ARHGEF17: variants seen among roughly 807,000 people sequenced by gnomAD.
ARHGEF17 encodes Rho guanine nucleotide exchange factor 17, also known as 164 kDa Rho-specific guanine-nucleotide exchange factor.
In ARHGEF17, 80 loss-of-function variants were observed where a neutral mutation model predicts 174.0. The observed-to-expected ratio is 0.46, with a 90% CI of 0.38 to 0.55. ARHGEF17 has a LOEUF of 0.55. Among genes scored for constraint, ARHGEF17 ranks in the 20% least tolerant of loss-of-function variants. ARHGEF17 has a pLI of 0.00. For missense variants in ARHGEF17, 2,886 were observed against 2,839.7 expected, an observed-to-expected ratio of 1.02 and a Z score of -0.37; for synonymous variants, 1,311 against 1,189.1, an observed-to-expected ratio of 1.10 and a Z score of -2.11.
At chr11:73,341,503 G>A (rs557079080) in intron 1 of ARHGEF17, among the ~76,000 whole-genome samples, 1 of 151,918 alleles carries the variant, frequency 6.6e-6, no homozygotes, top group East Asian at 1.9e-4. Flanking sequence ...ATAGAGATGG[G>A]GTTTCTCCAT....
intron 1 of ARHGEF17, among the ~76,000 whole-genome samples, chr11:73,327,014 C>T (rs943955530): frequency 3.9e-5 from 6 of 152,254 alleles, no homozygotes; most frequent in African/African-American, 1.4e-4. Context: ...ACCAGCCAGG[C>T]TCCCTGGGCA....
At position 73,363,191 on chromosome 11, in the gene ARHGEF17, C is replaced by T. The variant is rs1214450294; in HGVS notation, c.4997-15C>T. The T allele has an allele frequency of 5.9e-6, 9 of 1,527,338 alleles. No homozygotes were observed. Among genetic ancestry groups the T allele is most frequent in the Non-Finnish European group, 7.9e-6 (9 of 1,135,452 alleles). The allele number at this position is 1,527,338 out of a possible 1,614,324, so 94.6% of individuals were successfully genotyped here. A position where few individuals can be genotyped will look rare whatever the true frequency, so the allele number is the denominator to read the frequency against. ...GGCAGAGGGAAATGGAGACAGAGAC[C>T]TTTGTCTCCCTCAGATGAGGAGACC... On this transcript the variant is annotated splice_polypyrimidine_tract_variant and intron_variant, in intron 14 of 20. Coordinates refer to ENST00000263674, the MANE Select transcript of ARHGEF17 (RefSeq NM_014786.4).
At chr11:73,319,939 G>A (rs1455806400) in intron 1 of ARHGEF17, among the ~76,000 whole-genome samples, 1 of 151,966 alleles carries the variant, frequency 6.6e-6, no homozygotes, top group Non-Finnish European at 1.5e-5. Context: ...GGATGAGGCC[G>A]CTCCCAAGAA....
In ARHGEF17 at chr11:73,360,655, C is replaced by T. The variant is rs919437281; in HGVS notation, c.4420+122C>T. 1.4e-5 allele frequency: 15 copies of T among 1,049,988 alleles called. No individual in the cohort carries two copies. The East Asian group carries it at 3.7e-4, about 26-fold the overall frequency. 65.0% of individuals were successfully genotyped at this position (1,049,988 alleles called of 1,614,324 possible). A position where few individuals can be genotyped will look rare whatever the true frequency, so the allele number is the denominator to read the frequency against. On this transcript the variant is annotated intron_variant, in intron 11 of 20. Coordinates refer to ENST00000263674, the MANE Select transcript of ARHGEF17 (RefSeq NM_014786.4). ...GCAGTGCCCTGTGCTCCGGCTCCAC[C>T]TGGTGGGGAGGGGGGCTTCTGCAGT...
In ARHGEF17 at chr11:73,310,231, C is replaced by T. The variant is rs961492906; in HGVS notation, c.1593C>T (p.Arg531=). 1 of 1,614,036 alleles carries T rather than the reference C, an allele frequency of 6.2e-7. No individual in the cohort carries two copies. Among genetic ancestry groups the T allele is most frequent in the African/African-American group, 1.3e-5 (1 of 75,058 alleles). ...CAGCCCCAGCATCACCTGGCACGCG[C>T]CCCACACTCAAGGACTTGACAGCCA... ...PIPAPASPGT[R]PTLKDLTATL... The change falls in exon 1 of 21, where the codon CGC becomes CGT. Residue 531 remains arginine, a synonymous_variant. Coordinates refer to ENST00000263674, the MANE Select transcript of ARHGEF17 (RefSeq NM_014786.4).
chr11:73,344,679 G>C (rs1374469141), intron 1 of ARHGEF17, among the ~76,000 whole-genome samples: 2 of 152,240 alleles, frequency 1.3e-5, no homozygotes, highest in African/African-American at 4.8e-5. Flanking sequence ...TCTGCTCGCT[G>C]CCGCCTTTGC....
intron 9 of ARHGEF17, 88 bp downstream of exon 9, chr11:73,357,415 C>T (rs1171427849): frequency 3.2e-6 from 4 of 1,248,916 alleles, no homozygotes; most frequent in Non-Finnish European, 4.5e-6. Context: ...GTCTGGCTGC[C>T]TGTCCAGCTG....
At chr11:73,361,531 G>A (rs2134421364) in intron 12 of ARHGEF17, among the ~76,000 whole-genome samples, 1 of 152,264 alleles carries the variant, frequency 6.6e-6, no homozygotes, top group East Asian at 1.9e-4. Context: ...TAGGCATGAT[G>A]CCTGTATCCC....
chr11:73,364,841 C>A, intron 18 of ARHGEF17: 1 of 503,304 alleles, frequency 2.0e-6, no homozygotes, highest in Non-Finnish European at 3.4e-6. Flanking sequence ...TCCTGCCCAC[C>A]CTATCTCTCA....
At chr11:73,313,882 G>T (rs1315750344) in intron 1 of ARHGEF17, among the ~76,000 whole-genome samples, 3 of 152,192 alleles carry the variant, frequency 2.0e-5, no homozygotes, top group South Asian at 2.1e-4. Flanking sequence ...TGGGTGGTGT[G>T]ATCATTTCCT....
chr11:73,350,823 G>C (rs1865541160), intron 2 of ARHGEF17, among the ~76,000 whole-genome samples: 1 of 152,138 alleles, frequency 6.6e-6, no homozygotes, highest in African/African-American at 2.4e-5. Context: ...AGCACTCACT[G>C]TCTTCCACCA....
In ARHGEF17 at chr11:73,352,880, T is replaced by C. The variant is rs1404964653; in HGVS notation, c.3321T>C (p.Pro1107=). ...KQPENSVLCD[P]SLVDEIFDQI... ...CAGAGAACTCCGTGCTCTGTGACCC[T>C]TCACTGGTGGACGAGATCTTCGACC... Residue 1107 remains proline (P), a synonymous_variant, in exon 3 of 21, where the codon CCT becomes CCC. Transcript: ENST00000263674. 1.9e-6 allele frequency: 3 copies of C among 1,614,000 alleles called. No homozygotes were observed. The highest frequency in any genetic ancestry group is 2.7e-5 in the African/African-American group (2 of 74,920).
At chr11:73,349,990 C>G (rs936818922) in intron 2 of ARHGEF17, among the ~76,000 whole-genome samples, 2 of 152,192 alleles carry the variant, frequency 1.3e-5, no homozygotes, top group African/African-American at 4.8e-5. Context: ...AGCTGCATGA[C>G]CCGGAGCATG....
chr11:73,308,848 G>T lies in ARHGEF17; in HGVS notation c.210G>T (p.Ala70=). ...KLASGPLAAP[A]QPRPLRSLSP... Reference sequence around the variant, plus strand: ...CGTCTGGGCCCCTGGCCGCCCCCGCGCAGCCGCGCCCGCTCCGCAGCCTCT... The same window carrying T: ...CGTCTGGGCCCCTGGCCGCCCCCGCTCAGCCGCGCCCGCTCCGCAGCCTCT... Residue 70 remains alanine, a synonymous_variant, in exon 1 of 21, where the codon GCG becomes GCT. Transcript: ENST00000263674. The T allele has an allele frequency of 7.5e-7, 1 of 1,338,936 alleles. No homozygotes were observed. Among genetic ancestry groups the T allele is most frequent in the Non-Finnish European group, 9.5e-7 (1 of 1,051,866 alleles). 82.9% of individuals were successfully genotyped at this position (1,338,936 alleles called of 1,614,324 possible).
Position 73,310,139 on chromosome 11 carries a change from C to G in ARHGEF17, c.1501C>G (p.Pro501Ala), listed in dbSNP as rs1208626630. 6.2e-7 allele frequency: 1 copy of G among 1,613,942 alleles called. No homozygotes were observed. Among genetic ancestry groups the G allele is most frequent in the Non-Finnish European group, 8.5e-7 (1 of 1,180,030 alleles). Residue 501 changes from proline to alanine, a missense_variant, in exon 1 of 21, where the codon CCC becomes GCC. Transcript: ENST00000263674. ...GGSSGDRGSN[P>A]LDGRDSPSAG... The stretch of plus-strand genomic sequence containing the variant: ...GAGCTCCGGGGACCGTGGAAGCAAC[C>G]CCCTAGATGGCAGAGACTCACCATC...
chr11:73,325,229 C>T (rs900766232), intron 1 of ARHGEF17, among the ~76,000 whole-genome samples: 8 of 152,198 alleles, frequency 5.3e-5, no homozygotes, highest in Non-Finnish European at 1.2e-4. Flanking sequence ...TCCCCCACCC[C>T]CAGCCTCCTG....
chr11:73,309,327 C>G lies in ARHGEF17; in HGVS notation c.689C>G (p.Ser230Cys). The part of the protein sequence containing the change: ...FSQPQAGARA[S>C]CSSSSIAASY... Reference sequence around the variant, plus strand: ...CAACCGCAGGCCGGGGCCCGGGCCTCCTGCTCCTCCTCCTCCATCGCCGCC... The same window carrying G: ...CAACCGCAGGCCGGGGCCCGGGCCTGCTGCTCCTCCTCCTCCATCGCCGCC... Residue 230 changes from serine (S) to cysteine (C), a missense_variant, in exon 1 of 21, where the codon TCC becomes TGC. By Grantham distance (112) the Ser-to-Cys change is moderately radical. Around this residue, in one of 4 missense-constraint regions of ARHGEF17, gnomAD observed 1,728 missense variants for 1,461.2 expected, o/e 1.18. Coordinates refer to ENST00000263674, the MANE Select transcript of ARHGEF17 (RefSeq NM_014786.4). The G allele has an allele frequency of 2.5e-6, 4 of 1,579,598 alleles. No individual in the cohort carries two copies. The highest frequency in any genetic ancestry group is 3.4e-6 in the Non-Finnish European group (4 of 1,169,784).
At chr11:73,359,269 G>C (rs1034605324) in intron 9 of ARHGEF17, among the ~76,000 whole-genome samples, 1 of 152,222 alleles carries the variant, frequency 6.6e-6, no homozygotes, top group Non-Finnish European at 1.5e-5. Context: ...CAAGGGTGGA[G>C]GGACAGCTCC....
In ARHGEF17 at chr11:73,309,330, G is replaced by GCTCCTCCTCCTC. The variant is rs113363731; in HGVS notation, c.694_705dup (p.Ser232_Ser235dup). 9 of 1,607,624 alleles carry GCTCCTCCTCCTC rather than the reference G, an allele frequency of 5.6e-6. No homozygotes were observed. The African/African-American group carries it at 1.2e-4, about 22-fold the overall frequency. On this transcript the variant is annotated inframe_insertion, in exon 1 of 21. Transcript: ENST00000263674. ...CCGCAGGCCGGGGCCCGGGCCTCCT[G>GCTCCTCCTCCTC]CTCCTCCTCCTCCATCGCCGCCTCC...
Sources: gnomAD v4.1 joint callset for allele counts (sites outside exome capture counted in the v4.1 genomes callset) on GRCh38, gnomAD v4.1.1 for gene constraint, gnomAD v4.1.1 regional missense constraint, MANE v1.5 for transcripts, NCBI Gene and HGNC (gene_info 2026-07-23, HGNC 2026-07-21) for gene names.